SUDS3: variants seen among roughly 807,000 people sequenced by gnomAD.
SUDS3 encodes sin3 histone deacetylase corepressor complex component SDS3.
SUDS3 carries 23 observed loss-of-function variants against 53.5 expected under a neutral mutation model. The ratio of observed to expected loss-of-function variants is 0.43; its 90% CI spans 0.31 to 0.61. The LOEUF (loss-of-function observed/expected upper bound fraction) is 0.61, where lower values mean the gene tolerates loss of function less well. SUDS3 is among the 20% of genes least tolerant of loss of function. The pLI, the probability that SUDS3 is intolerant of heterozygous loss-of-function variation, is 0.10. For missense variants in SUDS3, 291 were observed against 405.9 expected, an observed-to-expected ratio of 0.72 and a Z score of 2.43; for synonymous variants, 150 against 148.5, an observed-to-expected ratio of 1.01 and a Z score of -0.08.
intron 5 of SUDS3, 158 bp from the exon 6 acceptor site, chr12:118,390,968 C>T (rs1239170881): frequency 2.4e-6 from 2 of 838,520 alleles, no homozygotes; most frequent in South Asian, 2.8e-5. Context: ...GATTTTATAC[C>T]CTCGCTGGAA....
rs1306678485 is a variant in SUDS3 at position 118,376,586 on chromosome 12, G to A, written c.-106G>A. 8.1e-7 allele frequency: 1 copy of A among 1,240,880 alleles called. No homozygotes were observed. The highest frequency in any genetic ancestry group is 1.0e-6 in the Non-Finnish European group (1 of 987,408). The allele number at this position is 1,240,880 out of a possible 1,614,324, so 76.9% of individuals were successfully genotyped here. A position where few individuals can be genotyped will look rare whatever the true frequency, so the allele number is the denominator to read the frequency against. ...GGGGAAGGGGTCGCCGTGGCTGCCG[G>A]TCCTCGAGTTGGGGGCTGCCGCGGA... On this transcript the variant is annotated 5_prime_UTR_variant, in exon 1 of 12. Transcript: ENST00000543473.
chr12:118,398,232 T>A (rs2046233314), intron 6 of SUDS3, among the ~76,000 whole-genome samples: 1 of 152,162 alleles, frequency 6.6e-6, no homozygotes, highest in Non-Finnish European at 1.5e-5. Flanking sequence ...CACGGCGCAC[T>A]GTGGGGGAGG....
At chr12:118,380,553 C>T (rs3741443) in intron 2 of SUDS3, among the ~76,000 whole-genome samples, 2 of 152,114 alleles carry the variant, frequency 1.3e-5, no homozygotes, top group African/African-American at 4.8e-5. Context: ...TTCCAAAGAC[C>T]ATGTATGTTT....
intron 2 of SUDS3, among the ~76,000 whole-genome samples, chr12:118,382,666 C>CT (rs573617276): frequency 0.011 from 1,450 of 135,734 alleles, 8 homozygotes; most frequent in Admixed American, 0.016. Context: ...TGTGCCCAGC[C>CT]TTTTTTTTTT....
At chr12:118,406,795 C>G (rs1023890392) in intron 10 of SUDS3, among the ~76,000 whole-genome samples, 2 of 139,304 alleles carry the variant, frequency 1.4e-5, no homozygotes, top group East Asian at 2.4e-4. Flanking sequence ...TTCTTCCCCC[C>G]CCTTTGATTT....
At chr12:118,403,587 T>C (rs1358725027) in intron 10 of SUDS3, 70 bp downstream of exon 10, 2 of 1,275,482 alleles carry the variant, frequency 1.6e-6, no homozygotes, top group African/African-American at 3.0e-5. Context: ...CTGGGGCTAT[T>C]GTAGTTATTT....
chr12:118,400,825 C>G, intron 7 of SUDS3, 71 bp downstream of exon 7: 1 of 1,406,432 alleles, frequency 7.1e-7, no homozygotes, highest in Non-Finnish European at 1.0e-6. Flanking sequence ...TATCCGTTTG[C>G]TAGGGTACAC....
intron 10 of SUDS3, among the ~76,000 whole-genome samples, chr12:118,407,673 G>T (rs2046319686): frequency 6.6e-6 from 1 of 151,314 alleles, no homozygotes. Flanking sequence ...CCTTTGTGAG[G>T]ATATGATACA....
At chr12:118,404,787 A>G (rs1041248772) in intron 10 of SUDS3, among the ~76,000 whole-genome samples, 10 of 152,304 alleles carry the variant, frequency 6.6e-5, no homozygotes, top group African/African-American at 2.4e-4. Flanking sequence ...TTTGAGTTTC[A>G]GTATCTAACC....
chr12:118,399,809 A>G (rs1383515885), intron 6 of SUDS3, among the ~76,000 whole-genome samples: 1 of 151,778 alleles, frequency 6.6e-6, no homozygotes, highest in African/African-American at 2.4e-5. Context: ...AAACGAGGAG[A>G]ACTGAGTTTT....
intron 7 of SUDS3, among the ~76,000 whole-genome samples, chr12:118,401,529 G>T (rs1293846218): frequency 6.6e-6 from 1 of 152,184 alleles, no homozygotes; most frequent in African/African-American, 2.4e-5. Context: ...GCCTAATGAA[G>T]CTCATTCCAC....
Position 118,386,163 on chromosome 12 carries a change from C to T in SUDS3, c.318C>T (p.Tyr106=), listed in dbSNP as rs1479840725. 1 of 1,601,986 alleles carries T rather than the reference C, an allele frequency of 6.2e-7. No individual in the cohort carries two copies. The highest frequency in any genetic ancestry group is 8.5e-7 in the Non-Finnish European group (1 of 1,173,982). ...GAATGAAAAAACTAGATCAGCAGTA[C>T]AAAGAGAGGATACGGAATGCAGGTA... ...QKRMKKLDQQ[Y]KERIRNAELF... is the part of the protein sequence containing the mutation. The change falls in exon 4 of 12, where the codon TAC becomes TAT. Residue 106 remains tyrosine (Y), a synonymous_variant. Coordinates refer to ENST00000543473, the MANE Select transcript of SUDS3 (RefSeq NM_022491.3).
chr12:118,394,562 G>C (rs538090314), intron 6 of SUDS3, among the ~76,000 whole-genome samples: 1 of 152,234 alleles, frequency 6.6e-6, no homozygotes, highest in African/African-American at 2.4e-5. Flanking sequence ...GATAAAGTCT[G>C]TGTCTTCTAG....
At chr12:118,382,191 C>T (rs962901304) in intron 2 of SUDS3, among the ~76,000 whole-genome samples, 4 of 152,076 alleles carry the variant, frequency 2.6e-5, no homozygotes, top group African/African-American at 9.7e-5. Flanking sequence ...AGGCATGCGC[C>T]ACTACGCCTG....
intron 6 of SUDS3, among the ~76,000 whole-genome samples, chr12:118,392,295 G>A (rs2046174748): frequency 6.6e-6 from 1 of 152,198 alleles, no homozygotes; most frequent in Non-Finnish European, 1.5e-5. Flanking sequence ...ATTAAAAGTA[G>A]CCAGTTAAGA....
chr12:118,400,577 G>A lies in SUDS3; in HGVS notation c.518-82G>A, dbSNP rs2046255017. On this transcript the variant is annotated intron_variant, in intron 6 of 11. Transcript: ENST00000543473. ...AACAGTTCTGATTGGGTGGCTGGGG[G>A]GCAGATATTCTTATACTATAGAAAT... 6.9e-6 allele frequency: 9 copies of A among 1,308,060 alleles called. No homozygotes were observed. The Admixed American group carries it at 1.4e-4, about 20-fold the overall frequency. The allele number at this position is 1,308,060 out of a possible 1,614,324, so 81.0% of individuals were successfully genotyped here.
chr12:118,386,765 G>A (rs1230186638), intron 4 of SUDS3, among the ~76,000 whole-genome samples: 3 of 152,204 alleles, frequency 2.0e-5, no homozygotes, highest in African/African-American at 7.2e-5. Flanking sequence ...TAGGACACTT[G>A]GTGTTTCATT....
Position 118,411,163 on chromosome 12 carries a change from A to C in SUDS3, c.888+6A>C. The C allele has an allele frequency of 6.3e-7, 1 of 1,585,520 alleles. No individual in the cohort carries two copies. The highest frequency in any genetic ancestry group is 8.6e-7 in the Non-Finnish European group (1 of 1,165,436). On this transcript the variant is annotated splice_donor_region_variant and intron_variant, in intron 11 of 11. Coordinates refer to ENST00000543473, the MANE Select transcript of SUDS3 (RefSeq NM_022491.3). ...GTTCTGTAGGAGCCAATGAGGTGGG[A>C]ACCACACTCCCTCACCTTTAGGGAA...
At chr12:118,383,250 A>G (rs375736987) in intron 2 of SUDS3, among the ~76,000 whole-genome samples, 8 of 152,370 alleles carry the variant, frequency 5.3e-5, no homozygotes, top group African/African-American at 1.9e-4. Context: ...TTCAGATCAC[A>G]AATCTTGTTT....
Sources: allele counts gnomAD v4.1 joint callset (sites outside exome capture counted in the v4.1 genomes callset), GRCh38; gene constraint gnomAD v4.1.1; transcripts MANE v1.5; gene names NCBI Gene and HGNC (gene_info 2026-07-23, HGNC 2026-07-21).